Variants in CTNND1 observed in about 807,000 individuals in gnomAD.
CTNND1 encodes catenin delta 1, also known as catenin delta-1.
CTNND1 carries 16 observed loss-of-function variants against 112.1 expected under a neutral mutation model. The observed-to-expected ratio is 0.14, with a 90% CI of 0.10 to 0.22. CTNND1 has a LOEUF of 0.22. CTNND1 is among the 10% of genes least tolerant of loss of function. CTNND1 has a pLI of 1.00. For synonymous variants in CTNND1, 420 were observed against 446.5 expected, an observed-to-expected ratio of 0.94 and a Z score of 0.75; for missense variants, 1,008 against 1,257.0, an observed-to-expected ratio of 0.80 and a Z score of 3.00.
At chr11:57,763,300 T>G (rs1279529706) in intron 1 of CTNND1, among the ~76,000 whole-genome samples, 1 of 152,098 alleles carries the variant, frequency 6.6e-6, no homozygotes, top group Non-Finnish European at 1.5e-5. Context: ...CGCCTGAAAA[T>G]TATAGATGCT....
intron 1 of CTNND1, among the ~76,000 whole-genome samples, chr11:57,770,727 A>C (rs547343417): frequency 6.6e-5 from 10 of 152,220 alleles, no homozygotes; most frequent in Non-Finnish European, 1.3e-4. Context: ...AGAAACTAAA[A>C]TATATTCTCA....
intron 3 of CTNND1, among the ~76,000 whole-genome samples, chr11:57,793,692 A>T (rs1005829311): frequency 3.3e-5 from 5 of 152,212 alleles, no homozygotes; most frequent in Non-Finnish European, 1.5e-5. Flanking sequence ...ATAGTTTTTG[A>T]GCACCTGTTA....
intron 1 of CTNND1, among the ~76,000 whole-genome samples, chr11:57,784,159 T>G (rs1425322010): frequency 1.3e-5 from 2 of 151,730 alleles, no homozygotes; most frequent in Non-Finnish European, 2.9e-5. Flanking sequence ...TGGGCTCAAG[T>G]GATCTGCCCA....
chr11:57,777,654 ACTT>A (rs1403327164), intron 1 of CTNND1, among the ~76,000 whole-genome samples: 1 of 152,180 alleles, frequency 6.6e-6, no homozygotes, highest in Non-Finnish European at 1.5e-5. Flanking sequence ...GGCCCATACT[ACTT>A]CTAGCAGATC....
chr11:57,786,189 GAT>G (rs2060110977), intron 1 of CTNND1, among the ~76,000 whole-genome samples: 1 of 89,936 alleles, frequency 1.1e-5, no homozygotes, highest in African/African-American at 3.7e-5. Flanking sequence ...GGAATTCTTT[GAT>G]TTTTTTTTTT....
At position 57,818,585 on chromosome 11, in the gene CTNND1, C is replaced by T. The variant is rs578043083; in HGVS notation, c.*2277C>T. The T allele has an allele frequency of 8.5e-4, 130 of 152,450 alleles. No homozygotes were observed. Among genetic ancestry groups the T allele is most frequent in the African/African-American group, 3.1e-3 (128 of 41,524 alleles). 9.4% of individuals were successfully genotyped at this position (152,450 alleles called of 1,614,324 possible). A position where few individuals can be genotyped will look rare whatever the true frequency, so the allele number is the denominator to read the frequency against. On this transcript the variant is annotated 3_prime_UTR_variant, in exon 21 of 21. Transcript: ENST00000399050. ...ATACCAGGATTTATTTTGAGCTCAGCCCCAACTCTTTATCAAGCAACATTC... is the reference window on the plus strand; with the variant it reads ...ATACCAGGATTTATTTTGAGCTCAGTCCCAACTCTTTATCAAGCAACATTC...
At chr11:57,804,610 T>G (rs2062422973) in intron 8 of CTNND1, 53 bp from the exon 9 acceptor site, 1 of 1,379,408 alleles carries the variant, frequency 7.2e-7, no homozygotes, top group Non-Finnish European at 1.0e-6. Context: ...GAGGGATATT[T>G]AAGGGAGGAT....
rs2061277463 is a variant in CTNND1, at chr11:57,795,569, G to T, written c.268-8G>T. 3 of 1,605,512 alleles carry T rather than the reference G, an allele frequency of 1.9e-6. No individual in the cohort carries two copies. The highest frequency in any genetic ancestry group is 3.5e-5 in the Admixed American group (2 of 57,964). On this transcript the variant is annotated splice_region_variant and splice_polypyrimidine_tract_variant and intron_variant, in intron 4 of 20. Transcript: ENST00000399050. ...AGTAGTTTCTTCTCTTTTCTCTTTT[G>T]CATATAGGATCACAGTCACCTTCTA...
chr11:57,789,140 G>A lies in CTNND1; in HGVS notation c.-110G>A, dbSNP rs182949560. Reference sequence around the variant, plus strand: ...TCTCTGTGTTAAACCAATCAGTTGCGACCTTCTCTTAACAGGTGTGTATGG... The same window carrying A: ...TCTCTGTGTTAAACCAATCAGTTGCAACCTTCTCTTAACAGGTGTGTATGG... On this transcript the variant is annotated 5_prime_UTR_variant, in exon 2 of 21. Transcript: ENST00000399050. The A allele has an allele frequency of 7.8e-6, 12 of 1,530,862 alleles. No individual in the cohort carries two copies. The highest frequency in any genetic ancestry group is 4.1e-5 in the African/African-American group (3 of 72,944). The allele number at this position is 1,530,862 out of a possible 1,614,324, so 94.8% of individuals were successfully genotyped here.
intron 1 of CTNND1, among the ~76,000 whole-genome samples, chr11:57,766,054 A>G: frequency 6.6e-6 from 1 of 152,168 alleles, no homozygotes; most frequent in Non-Finnish European, 1.5e-5. Flanking sequence ...GCAAGCCGAG[A>G]TCATGCCACT....
rs1186189312 is a variant in CTNND1 at position 57,791,594 on chromosome 11, C to T, written c.116C>T (p.Ala39Val). Reference sequence around the variant, plus strand: ...GAGGAGGAACGGCGCCACGTCTCGGCGCAGCTGGAACGCGTCCGGGTCTCA... The same window carrying T: ...GAGGAGGAACGGCGCCACGTCTCGGTGCAGCTGGAACGCGTCCGGGTCTCA... ...ALEEERRHVSAQLERVRVSPQ... is the reference protein window; with the variant it reads ...ALEEERRHVSVQLERVRVSPQ... Residue 39 changes from alanine (A) to valine (V), a missense_variant, in exon 3 of 21, where the codon GCG (alanine) becomes GTG (valine). By Grantham distance (64) the Ala-to-Val change is moderately conservative (BLOSUM62 0). Around this residue, in one of 5 missense-constraint regions of CTNND1, gnomAD observed 404 missense variants for 457.9 expected, o/e 0.88. Coordinates refer to ENST00000399050, the MANE Select transcript of CTNND1 (RefSeq NM_001085458.2). The T allele has an allele frequency of 5.0e-6, 8 of 1,611,358 alleles. No homozygotes were observed. The South Asian group carries it at 5.5e-5, about 11-fold the overall frequency.
chr11:57,791,608 G>T lies in CTNND1; in HGVS notation c.130G>T (p.Val44Phe), dbSNP rs756334246. The part of the protein sequence containing the change: ...RRHVSAQLER[V>F]RVSPQDANPL... Reference sequence around the variant, plus strand: ...CCACGTCTCGGCGCAGCTGGAACGCGTCCGGGTCTCACCACAAGATGCCAA... The same window carrying T: ...CCACGTCTCGGCGCAGCTGGAACGCTTCCGGGTCTCACCACAAGATGCCAA... The change falls in exon 3 of 21, where the codon GTC (valine) becomes TTC (phenylalanine). Residue 44 changes from valine to phenylalanine, a missense_variant. Transcript: ENST00000399050. 1.2e-6 allele frequency: 2 copies of T among 1,608,618 alleles called. No homozygotes were observed. Among genetic ancestry groups the T allele is most frequent in the South Asian group, 2.2e-5 (2 of 90,210 alleles).
At chr11:57,804,536 G>C (rs530107161) in intron 8 of CTNND1, 127 bp from the exon 9 acceptor site, 5 of 678,332 alleles carry the variant, frequency 7.4e-6, no homozygotes, top group Non-Finnish European at 1.3e-5. Context: ...GCAGTACCTT[G>C]CTTATAATAG....
intron 12 of CTNND1, among the ~76,000 whole-genome samples, chr11:57,807,493 C>T (rs1011334332): frequency 1.3e-5 from 2 of 150,704 alleles, no homozygotes; most frequent in African/African-American, 4.9e-5. Context: ...GTAATCCCAG[C>T]TACTCTGGAG....
intron 6 of CTNND1, among the ~76,000 whole-genome samples, chr11:57,797,858 A>AC (rs1476030859): frequency 4.7e-5 from 7 of 150,434 alleles, no homozygotes; most frequent in Non-Finnish European, 1.0e-4. Context: ...AAAAAAAAAA[A>AC]AAAAACAACT....
rs553192667 is a variant in CTNND1 at position 57,796,816 on chromosome 11, A to G, written c.780A>G (p.Gln260=). ...GTAGACAGGATGTGTATGGGCCCCA[A>G]CCCCAGGTTCGGGTAGGTGGGAGCA... ...APSRQDVYGP[Q]PQVRVGGSSV... The change falls in exon 6 of 21, where the codon CAA becomes CAG. Residue 260 remains glutamine, a synonymous_variant. Coordinates refer to ENST00000399050, the MANE Select transcript of CTNND1 (RefSeq NM_001085458.2). 1 of 1,610,544 alleles carries G rather than the reference A, an allele frequency of 6.2e-7. No homozygotes were observed. Among genetic ancestry groups the G allele is most frequent in the Admixed American group, 1.7e-5 (1 of 59,822 alleles).
chr11:57,788,991 T>C lies in CTNND1; in HGVS notation c.-213-46T>C. 1 of 1,341,030 alleles carries C rather than the reference T, an allele frequency of 7.5e-7. No individual in the cohort carries two copies. The highest frequency in any genetic ancestry group is 1.0e-6 in the Non-Finnish European group (1 of 969,652). 83.1% of individuals were successfully genotyped at this position (1,341,030 alleles called of 1,614,324 possible). A position where few individuals can be genotyped will look rare whatever the true frequency, so the allele number is the denominator to read the frequency against. On this transcript the variant is annotated intron_variant, in intron 1 of 20. Transcript: ENST00000399050. This position sits in a 1 kb window ranked among gnomAD's most constrained non-coding sequence, Gnocchi z 4.1. ...TTCTTGTTTTTATGTATTGGGTATA[T>C]TTTATTTTCCTCTCATTCCCATTTT...
rs1449549292 is a variant in CTNND1, at chr11:57,806,980, C to A, written c.1960C>A (p.Arg654=). The change falls in exon 12 of 21, where the codon CGA becomes AGA. Residue 654 remains arginine, a synonymous_variant. Transcript: ENST00000399050. ...VDFPKRTSPA[R]GYELLFQPEV... is the part of the protein sequence containing the mutation. ...TTTCCCTAAAAGAACGAGTCCAGCT[C>A]GAGGTAAGTTATCTTCTCAGTCTCC... is the stretch of plus-strand genomic sequence containing the variant. The A allele has an allele frequency of 6.3e-7, 1 of 1,594,758 alleles. No homozygotes were observed. The highest frequency in any genetic ancestry group is 1.3e-5 in the African/African-American group (1 of 74,724).
intron 9 of CTNND1, 33 bp downstream of exon 9, chr11:57,804,813 A>G: frequency 1.4e-6 from 2 of 1,475,240 alleles, no homozygotes; most frequent in Non-Finnish European, 1.9e-6. Context: ...TGGCTGAGTG[A>G]ATTTCATTCA....
Sources: allele counts gnomAD v4.1 joint callset (sites outside exome capture counted in the v4.1 genomes callset), GRCh38; gene constraint gnomAD v4.1.1; regional missense constraint gnomAD v4.1.1; non-coding constraint Gnocchi (gnomAD v3.1); transcripts MANE v1.5; gene names NCBI Gene and HGNC (gene_info 2026-07-23, HGNC 2026-07-21).